Variants in PTGER3 observed in about 807,000 individuals in gnomAD.
PTGER3 encodes the protein prostaglandin E2 receptor EP3 subtype.
PTGER3 carries 22 observed loss-of-function variants against 34.7 expected under a neutral mutation model. That is an observed-to-expected ratio of 0.63 (90% confidence interval 0.45 to 0.91). The LOEUF is 0.91. Ranked by LOEUF, PTGER3 falls within the 40% of genes least tolerant of loss-of-function variation. PTGER3 has a pLI of 0.00. For synonymous variants in PTGER3, 241 were observed against 230.1 expected, an observed-to-expected ratio of 1.05 and a Z score of -0.43; for missense variants, 468 against 519.4, an observed-to-expected ratio of 0.90 and a Z score of 0.96.
intron 4 of PTGER3, among the ~76,000 whole-genome samples, chr1:70,919,622 C>T (rs1388330599): frequency 6.6e-6 from 1 of 152,144 alleles, no homozygotes; most frequent in Non-Finnish European, 1.5e-5. Context: ...AAAATTCAGT[C>T]TGTTAAGTGG....
intron 2 of PTGER3, among the ~76,000 whole-genome samples, chr1:70,960,061 C>T (rs558997418): frequency 1.3e-5 from 2 of 152,228 alleles, no homozygotes; most frequent in Admixed American, 6.5e-5. Flanking sequence ...TGGTATGCAT[C>T]TACAAACCAA....
intron 2 of PTGER3, among the ~76,000 whole-genome samples, chr1:70,975,268 A>G (rs1315968840): frequency 2.6e-5 from 4 of 152,144 alleles, no homozygotes; most frequent in Non-Finnish European, 5.9e-5. Context: ...TGAGTGGACA[A>G]TGCTGCACAG....
intron 4 of PTGER3, among the ~76,000 whole-genome samples, chr1:70,927,624 A>G (rs1648234994): frequency 6.6e-6 from 1 of 152,184 alleles, no homozygotes; most frequent in Non-Finnish European, 1.5e-5. Context: ...TCATCAACAC[A>G]TCAGTAACTA....
chr1:70,937,760 A>C (rs188836894), intron 4 of PTGER3, among the ~76,000 whole-genome samples: 13 of 152,346 alleles, frequency 8.5e-5, no homozygotes, highest in Middle Eastern at 3.4e-3. Context: ...TTAATGGTTA[A>C]TTAAATATAA....
intron 4 of PTGER3, among the ~76,000 whole-genome samples, chr1:70,860,918 T>C (rs554313292): frequency 1.3e-5 from 2 of 152,316 alleles, no homozygotes; most frequent in African/African-American, 4.8e-5. Flanking sequence ...ATTAAGTAGC[T>C]TACACAGTCT....
intron 2 of PTGER3, among the ~76,000 whole-genome samples, chr1:71,004,704 C>A (rs1180377333): frequency 2.0e-5 from 3 of 152,054 alleles, no homozygotes; most frequent in Non-Finnish European, 4.4e-5. Flanking sequence ...TTCCTTTTAT[C>A]AAAAAGAGAA....
At chr1:71,011,383 T>C in intron 2 of PTGER3, 3 of 985,268 alleles carry the variant, frequency 3.0e-6, no homozygotes, top group Non-Finnish European at 3.6e-6. Context: ...GGGAACACTT[T>C]TGGTGAATAA....
intron 2 of PTGER3, among the ~76,000 whole-genome samples, chr1:70,988,264 T>C (rs1313783474): frequency 6.6e-6 from 1 of 152,118 alleles, no homozygotes; most frequent in East Asian, 1.9e-4. Flanking sequence ...CCATAGGAAG[T>C]TTTAAAAGTC....
chr1:70,977,798 T>C lies in PTGER3; in HGVS notation c.1078-3410A>G, dbSNP rs746296292. 6.6e-5 allele frequency among the ~76,000 whole-genome samples: 10 copies of C among 152,044 alleles called. No individual in the cohort carries two copies. The South Asian group carries it at 1.4e-3, about 22-fold the overall frequency. ...ATACACACAAACACCTGTGCTTGAC[T>C]GTTTGTCTCTACTCCTTCCTCCAAG... On this transcript the variant is annotated intron_variant, in intron 2 of 3. Transcript: ENST00000306666.
In PTGER3 at chr1:71,039,184, G is replaced by A. The variant is rs1370766171; in HGVS notation, c.897+7497C>T. Among the ~76,000 whole-genome samples the A allele has an allele frequency of 2.6e-5, 4 of 152,212 alleles. No homozygotes were observed. The East Asian group carries it at 7.7e-4, about 29-fold the overall frequency. On this transcript the variant is annotated intron_variant, in intron 1 of 3. Transcript: ENST00000306666. The stretch of plus-strand genomic sequence containing the variant: ...GCAGAAAAGAGCATTCCAGACCTGT[G>A]ACAGAGGTCTTCAGGACACAAGGTA...
chr1:70,883,344 T>C, intron 4 of PTGER3, among the ~76,000 whole-genome samples: 1 of 152,216 alleles, frequency 6.6e-6, no homozygotes, highest in South Asian at 2.1e-4. Flanking sequence ...ACATAGCAAA[T>C]TTTATAATTA....
At chr1:70,975,720 A>C (rs1317728956) in intron 2 of PTGER3, among the ~76,000 whole-genome samples, 1 of 152,210 alleles carries the variant, frequency 6.6e-6, no homozygotes, top group Admixed American at 6.5e-5. Context: ...ACTTTGACCA[A>C]TACCTATTCC....
Position 71,007,227 on chromosome 1 carries a change from T to C in PTGER3, c.1077+5078A>G, listed in dbSNP as rs370583929. The C allele has an allele frequency of 8.4e-5, 83 of 985,340 alleles. 2 individuals are homozygous for C. The African/African-American group carries it at 1.3e-3, about 15-fold the overall frequency. The allele number at this position is 985,340 out of a possible 1,614,324, so 61.0% of individuals were successfully genotyped here. ...ATTTCAGCTCCTCCTAGGCACACCA[T>C]GTAAATAGTACTTACATTCATTTGT... On this transcript the variant is annotated intron_variant, in intron 2 of 3. Coordinates refer to ENST00000306666, the MANE Select transcript of PTGER3 (RefSeq NM_198719.2).
chr1:70,935,590 TA>T (rs1199209353), intron 4 of PTGER3, among the ~76,000 whole-genome samples: 2 of 151,440 alleles, frequency 1.3e-5, no homozygotes, highest in East Asian at 3.9e-4. Context: ...TGCTTTTACT[TA>T]ACAAATATTT....
At chr1:70,973,052 T>C (rs1653257389) in intron 3 of PTGER3, among the ~76,000 whole-genome samples, 1 of 96,040 alleles carries the variant, frequency 1.0e-5, no homozygotes, top group Admixed American at 1.3e-4. Flanking sequence ...ACAAGTTATC[T>C]CTCTTCGTTT....
intron 2 of PTGER3, among the ~76,000 whole-genome samples, chr1:70,981,372 T>TTCCTTCC: frequency 9.2e-6 from 1 of 109,168 alleles, no homozygotes; most frequent in African/African-American, 3.6e-5. Flanking sequence ...TCTTTCTTTC[T>TTCCTTCC]TTCTTTCTTT....
chr1:70,905,797 C>T (rs139121805), intron 4 of PTGER3, among the ~76,000 whole-genome samples: 1,919 of 152,102 alleles, frequency 0.013, 17 homozygotes, highest in Middle Eastern at 0.024. Flanking sequence ...TGAGTTAAGA[C>T]TTTGGGGGAC....
chr1:70,877,940 A>C (rs1432708103), intron 4 of PTGER3, among the ~76,000 whole-genome samples: 1 of 152,072 alleles, frequency 6.6e-6, no homozygotes, highest in Non-Finnish European at 1.5e-5. Flanking sequence ...AGGTTTTGGT[A>C]TTAGGATCAT....
At chr1:71,030,711 G>A (rs1659335988) in intron 1 of PTGER3, among the ~76,000 whole-genome samples, 1 of 152,036 alleles carries the variant, frequency 6.6e-6, no homozygotes, top group Non-Finnish European at 1.5e-5. Flanking sequence ...CACCTTCTAC[G>A]GGATTTTTCA....
Sources: allele counts gnomAD v4.1 joint callset (sites outside exome capture counted in the v4.1 genomes callset), GRCh38; gene constraint gnomAD v4.1.1; transcripts MANE v1.5; gene names NCBI Gene and HGNC (gene_info 2026-07-23, HGNC 2026-07-21).